CREBBP: variants seen among roughly 807,000 people sequenced by gnomAD.
CREBBP encodes the protein CREB-binding protein.
A neutral mutation model predicts 265.0 loss-of-function variants in CREBBP; 19 were observed. The ratio of observed to expected loss-of-function variants is 0.07; its 90% CI spans 0.05 to 0.11. The LOEUF (loss-of-function observed/expected upper bound fraction) is 0.11, where lower values mean the gene tolerates loss of function less well. Ranked by LOEUF, CREBBP falls within the 10% of genes least tolerant of loss-of-function variation. CREBBP has a pLI of 1.00. For missense variants in CREBBP, 2,525 were observed against 3,219.0 expected, an observed-to-expected ratio of 0.78 and a Z score of 5.22; for synonymous variants, 1,457 against 1,223.7, an observed-to-expected ratio of 1.19 and a Z score of -3.98.
At chr16:3,805,015 G>C (rs1191814378) in intron 3 of CREBBP, among the ~76,000 whole-genome samples, 1 of 152,224 alleles carries the variant, frequency 6.6e-6, no homozygotes, top group Non-Finnish European at 1.5e-5. Flanking sequence ...TCAATTTATA[G>C]TTTCTTCTCA....
At chr16:3,788,234 C>T (rs2053431158) in intron 5 of CREBBP, among the ~76,000 whole-genome samples, 2 of 152,234 alleles carry the variant, frequency 1.3e-5, no homozygotes, top group Non-Finnish European at 2.9e-5. Flanking sequence ...AGCACTGGCC[C>T]AGATACCTGG....
intron 2 of CREBBP, among the ~76,000 whole-genome samples, chr16:3,819,275 C>T (rs2054097927): frequency 6.6e-6 from 1 of 152,230 alleles, no homozygotes; most frequent in South Asian, 2.1e-4. Flanking sequence ...CCTCTCTGCA[C>T]CTTGGTTTTA....
chr16:3,851,693 A>G (rs2054841181), intron 1 of CREBBP, among the ~76,000 whole-genome samples: 1 of 151,720 alleles, frequency 6.6e-6, no homozygotes. Context: ...TCTCTAGTAA[A>G]AAGACAAAAA....
intron 23 of CREBBP, chr16:3,741,792 TAA>T (rs983157443): frequency 1.4e-5 from 2 of 140,646 alleles, no homozygotes; most frequent in African/African-American, 5.4e-5. Context: ...AATGCAAAAT[TAA>T]GTCGGGAGCG....
intron 1 of CREBBP, among the ~76,000 whole-genome samples, chr16:3,862,765 C>A (rs1597074964): frequency 6.6e-6 from 1 of 152,220 alleles, no homozygotes; most frequent in East Asian, 1.9e-4. Flanking sequence ...TTGAAGCTCC[C>A]CACGGCAGAG....
chr16:3,745,134 G>C, intron 22 of CREBBP, 143 bp downstream of exon 22: 1 of 949,538 alleles, frequency 1.1e-6, no homozygotes, highest in Non-Finnish European at 1.7e-6. Flanking sequence ...CAAACGCTTA[G>C]AACTTAAATT....
chr16:3,736,521 T>C, intron 27 of CREBBP, 129 bp downstream of exon 27: 1 of 1,392,912 alleles, frequency 7.2e-7, no homozygotes, highest in South Asian at 1.2e-5. Flanking sequence ...ACTTTAGGCT[T>C]TTATTTTTCT....
At chr16:3,810,376 G>C (rs989418422) in intron 3 of CREBBP, among the ~76,000 whole-genome samples, 1 of 152,122 alleles carries the variant, frequency 6.6e-6, no homozygotes, top group Non-Finnish European at 1.5e-5. Context: ...TCAACAAAAG[G>C]AGCCTGGGAA....
intron 1 of CREBBP, among the ~76,000 whole-genome samples, chr16:3,857,623 T>C (rs561941408): frequency 6.6e-6 from 1 of 152,162 alleles, no homozygotes; most frequent in South Asian, 2.1e-4. Context: ...AGCGATCCAG[T>C]CCCAGGTAAG....
chr16:3,798,526 G>T (rs1045022069), intron 3 of CREBBP, among the ~76,000 whole-genome samples: 8 of 152,346 alleles, frequency 5.3e-5, no homozygotes, highest in African/African-American at 1.9e-4. Flanking sequence ...GCTCTGAACA[G>T]TTATTTATGC....
chr16:3,836,423 G>A lies in CREBBP; in HGVS notation c.798+13874C>T, dbSNP rs1177668413. On this transcript the variant is annotated intron_variant, in intron 2 of 30. Coordinates refer to ENST00000262367, the MANE Select transcript of CREBBP (RefSeq NM_004380.3). ...CACTCCAGCCTGGGTGACAGAGCGA[G>A]ACTGTGTCTCAAAAAAAAAAAAAAA... Among the ~76,000 whole-genome samples the A allele has an allele frequency of 5.1e-5, 7 of 137,018 alleles. No homozygotes were observed. The Admixed American group carries it at 5.6e-4, about 11-fold the overall frequency. 89.9% of individuals were successfully genotyped at this position (137,018 alleles called of 152,430 possible). A position where few individuals can be genotyped will look rare whatever the true frequency, so the allele number is the denominator to read the frequency against.
At chr16:3,825,684 T>A (rs1431795826) in intron 2 of CREBBP, among the ~76,000 whole-genome samples, 1 of 152,232 alleles carries the variant, frequency 6.6e-6, no homozygotes, top group Non-Finnish European at 1.5e-5. Flanking sequence ...GGAAACCTAA[T>A]TTGTGAGTAA....
intron 3 of CREBBP, among the ~76,000 whole-genome samples, chr16:3,807,630 A>G (rs2053856062): frequency 6.6e-6 from 1 of 152,346 alleles, no homozygotes; most frequent in Non-Finnish European, 1.5e-5. Context: ...ACATAACTGA[A>G]GAGTTTCAGG....
At chr16:3,866,144 A>G (rs567674361) in intron 1 of CREBBP, among the ~76,000 whole-genome samples, 2 of 152,368 alleles carry the variant, frequency 1.3e-5, no homozygotes, top group Admixed American at 6.5e-5. Context: ...GCTAGAAAAG[A>G]AAAGGGCACT....
chr16:3,804,757 C>T (rs1177397494), intron 3 of CREBBP, among the ~76,000 whole-genome samples: 1 of 152,230 alleles, frequency 6.6e-6, no homozygotes, highest in Admixed American at 6.5e-5. Context: ...TGCAGCACAT[C>T]TTGTGTAGAC....
intron 25 of CREBBP, among the ~76,000 whole-genome samples, chr16:3,739,175 C>G (rs1038577848): frequency 6.6e-6 from 1 of 152,216 alleles, no homozygotes; most frequent in Non-Finnish European, 1.5e-5. Context: ...ATGAATGGCA[C>G]CACTCGGCAC....
chr16:3,827,684 C>T (rs1401545639), intron 2 of CREBBP, among the ~76,000 whole-genome samples: 1 of 152,130 alleles, frequency 6.6e-6, no homozygotes, highest in Non-Finnish European at 1.5e-5. Context: ...AGCCACCATG[C>T]CTGGCTACTT....
Position 3,780,861 on chromosome 16 carries a change from C to T in CREBBP, c.1694G>A (p.Gly565Asp), listed in dbSNP as rs754342482. The change falls in exon 8 of 31, where the codon GGC (glycine) becomes GAC (aspartate). Residue 565 changes from glycine to aspartate, a missense_variant. Physicochemically the swap from Gly to Asp is moderately conservative, Grantham distance 94. This residue lies in a region of CREBBP where 144 missense variants were observed against 134.0 expected (regional missense o/e 1.07). Transcript: ENST00000262367. ...GGTTCCAATGTTACCAGAGTTGGAGCCATCGTTCATCAGTGGGCTAAGGAG... is the reference window on the plus strand; with the variant it reads ...GGTTCCAATGTTACCAGAGTTGGAGTCATCGTTCATCAGTGGGCTAAGGAG... Reference protein sequence around the residue: ...LGATNPLMNDGSNSGNIGTLS... With the variant: ...LGATNPLMNDDSNSGNIGTLS... 1 of 1,613,414 alleles carries T rather than the reference C, an allele frequency of 6.2e-7. No homozygotes were observed. Among genetic ancestry groups the T allele is most frequent in the Non-Finnish European group, 8.5e-7 (1 of 1,180,048 alleles).
chr16:3,861,712 G>C (rs1193109033), intron 1 of CREBBP, among the ~76,000 whole-genome samples: 5 of 144,212 alleles, frequency 3.5e-5, no homozygotes, highest in Admixed American at 3.4e-4. Context: ...GCCATCGTAA[G>C]TAATTTTTAT....
Sources: gnomAD v4.1 joint callset for allele counts (sites outside exome capture counted in the v4.1 genomes callset) on GRCh38, gnomAD v4.1.1 for gene constraint, gnomAD v4.1.1 regional missense constraint, MANE v1.5 for transcripts, NCBI Gene and HGNC (gene_info 2026-07-23, HGNC 2026-07-21) for gene names.